Variants in EIF2B4 observed in about 807,000 individuals in gnomAD.
EIF2B4 encodes the protein translation initiation factor eIF2B subunit delta.
In EIF2B4, 34 loss-of-function variants were observed where a neutral mutation model predicts 66.7. The ratio of observed to expected loss-of-function variants is 0.51; its 90% CI spans 0.39 to 0.68. The LOEUF is 0.68. Among genes scored for constraint, EIF2B4 ranks in the 30% least tolerant of loss-of-function variants. The pLI is 0.00. For synonymous variants in EIF2B4, 278 were observed against 253.6 expected (o/e 1.10, Z -0.92); for missense variants, 618 against 657.9 (o/e 0.94, Z 0.66).
intron 11 of EIF2B4, chr2:27,366,499 C>T (rs1438273767): frequency 5.9e-6 from 3 of 505,960 alleles, no homozygotes; most frequent in Non-Finnish European, 1.1e-5. Flanking sequence ...GGCAATGTAG[C>T]GATATCCCAT....
Position 27,369,888 on chromosome 2 carries a change from G to A in EIF2B4, c.63C>T (p.Pro21=), listed in dbSNP as rs751668695. 4.0e-5 allele frequency: 63 copies of A among 1,584,446 alleles called. No homozygotes were observed. Among genetic ancestry groups the A allele is most frequent in the Non-Finnish European group, 5.1e-5 (59 of 1,165,840 alleles). ...DSGSGMKAEL[P]PGPGAVGREM... is the part of the protein sequence containing the mutation. Reference sequence around the variant, plus strand: ...AAGCCTCACTTACCCCAGGCCCAGGGGGAAGCTCCGCCTTCATCCCGGATC... The same window carrying A: ...AAGCCTCACTTACCCCAGGCCCAGGAGGAAGCTCCGCCTTCATCCCGGATC... The change falls in exon 2 of 13, where the codon CCC becomes CCT. Residue 21 remains proline (P), a synonymous_variant. Transcript: ENST00000347454.
chr2:27,370,054 C>G, intron 1 of EIF2B4, 135 bp from the exon 2 acceptor site: 1 of 1,507,494 alleles, frequency 6.6e-7, no homozygotes, highest in Non-Finnish European at 8.9e-7. Context: ...AGCCAGGGAT[C>G]CGCGTGGGGA....
chr2:27,364,550 A>G lies in EIF2B4; in HGVS notation c.1422T>C (p.Ala474=). Residue 474 remains alanine, a synonymous_variant, in exon 13 of 13, where the codon GCT becomes GCC. Transcript: ENST00000347454. ...GTAGGGATGCGTGGTTCTGCCAGTTAGCCAGCGCAACATGTTCTCCCCGCT... is the reference window on the plus strand; with the variant it reads ...GTAGGGATGCGTGGTTCTGCCAGTTGGCCAGCGCAACATGTTCTCCCCGCT... ...QCKRGEHVAL[A]NWQNHASLRL... 1 of 1,614,220 alleles carries G rather than the reference A, an allele frequency of 6.2e-7. No individual in the cohort carries two copies. Among genetic ancestry groups the G allele is most frequent in the Admixed American group, 1.7e-5 (1 of 60,030 alleles).
Position 27,369,056 on chromosome 2 carries a change from C to T in EIF2B4, c.368G>A (p.Gly123Glu). The change falls in exon 4 of 13, where the codon GGA becomes GAA. Residue 123 changes from glycine (G) to glutamate (E), a missense_variant. By Grantham distance (98) the Gly-to-Glu change is moderately conservative. Coordinates refer to ENST00000347454, the MANE Select transcript of EIF2B4 (RefSeq NM_001034116.2). The part of the protein sequence containing the change: ...ALKQARKGEQ[G>E]GPPPKASPST... ...GGGGCTGGCCTTAGGAGGTGGTCCT[C>T]CTTGTTCCCCTTTTCTTGCCTGTTT... is the stretch of plus-strand genomic sequence containing the variant. 6.2e-7 allele frequency: 1 copy of T among 1,614,122 alleles called. No individual in the cohort carries two copies. The highest frequency in any genetic ancestry group is 1.1e-5 in the South Asian group (1 of 91,082).
chr2:27,367,652 G>C, intron 8 of EIF2B4, 93 bp from the exon 9 acceptor site: 1 of 1,589,598 alleles, frequency 6.3e-7, no homozygotes, highest in Non-Finnish European at 8.6e-7. Context: ...AAAGAAAATA[G>C]AACACAAAAT....
rs766717475 is a variant in EIF2B4, at chr2:27,368,136, G to C, written c.594C>G (p.Ile198Met). ...RQNSLTQFMSIPSSVIHPAMV... is the reference protein window; with the variant it reads ...RQNSLTQFMSMPSSVIHPAMV... ...TGGCTGGGTGGATCACAGAGGATGG[G>C]ATGCTGATGGGATGGCGGTGTCACA... Residue 198 changes from isoleucine to methionine, a missense_variant, in exon 7 of 13, where the codon ATC becomes ATG. By Grantham distance (10) the Ile-to-Met change is conservative (BLOSUM62 1). Coordinates refer to ENST00000347454, the MANE Select transcript of EIF2B4 (RefSeq NM_001034116.2). 6.3e-7 allele frequency: 1 copy of C among 1,587,274 alleles called. No homozygotes were observed. The highest frequency in any genetic ancestry group is 8.6e-7 in the Non-Finnish European group (1 of 1,166,002).
intron 4 of EIF2B4, 74 bp from the exon 5 acceptor site, chr2:27,368,807 G>C: frequency 6.5e-7 from 1 of 1,535,212 alleles, no homozygotes; most frequent in East Asian, 2.2e-5. Context: ...GGTATAAGGG[G>C]CATCAAGAAA....
Position 27,369,456 on chromosome 2 carries a change from C to T in EIF2B4, c.169G>A (p.Glu57Lys). 6.2e-7 allele frequency: 1 copy of T among 1,614,150 alleles called. No individual in the cohort carries two copies. The highest frequency in any genetic ancestry group is 8.5e-7 in the Non-Finnish European group (1 of 1,180,036). ...KKKRKEEKGA[E>K]PETGSAVSAA... ...GATACAGCAGAGCCAGTCTCTGGTT[C>T]TGCCCCCTTTTCTTCCTTCCGTTTC... is the stretch of plus-strand genomic sequence containing the variant. The change falls in exon 3 of 13, where the codon GAA becomes AAA. Residue 57 changes from glutamate (E) to lysine (K), a missense_variant. This residue lies in a region of EIF2B4 where 506 missense variants were observed against 511.9 expected (regional missense o/e 0.99). Coordinates refer to ENST00000347454, the MANE Select transcript of EIF2B4 (RefSeq NM_001034116.2).
In EIF2B4 at chr2:27,369,938, C is replaced by T. The variant is rs1465930747; in HGVS notation, c.32-19G>A. On this transcript the variant is annotated intron_variant, in intron 1 of 12. Transcript: ENST00000347454. ...CCCGAGTCTGCATCAGAAAACAGGGCACAAAGTGAGCCAGAGAGACTCCGG... is the reference window on the plus strand; with the variant it reads ...CCCGAGTCTGCATCAGAAAACAGGGTACAAAGTGAGCCAGAGAGACTCCGG... 1.1e-5 allele frequency: 18 copies of T among 1,576,148 alleles called. No homozygotes were observed. Among genetic ancestry groups the T allele is most frequent in the Admixed American group, 3.7e-5 (2 of 54,146 alleles).
Position 27,369,516 on chromosome 2 carries a change from G to C in EIF2B4, c.109C>G (p.Leu37Val), listed in dbSNP as rs759503915. Residue 37 changes from leucine to valine, a missense_variant, in exon 3 of 13, where the codon CTG (leucine) becomes GTG (valine). Transcript: ENST00000347454. ...VGREMTKEEKLQLRKEKKQQK... is the reference protein window; with the variant it reads ...VGREMTKEEKVQLRKEKKQQK... Reference sequence around the variant, plus strand: ...TGTTTCTTTTCCTTCCGAAGCTGCAGCTTTTCTTCTTTGGTCATTTCCCTC... The same window carrying C: ...TGTTTCTTTTCCTTCCGAAGCTGCACCTTTTCTTCTTTGGTCATTTCCCTC... 16 of 1,613,998 alleles carry C rather than the reference G, an allele frequency of 9.9e-6. No homozygotes were observed. The highest frequency in any genetic ancestry group is 8.8e-5 in the South Asian group (8 of 91,082).
In EIF2B4 at chr2:27,370,005, G is replaced by T. The variant is rs984995487; in HGVS notation, c.32-86C>A. ...GAGTACTCGGCGCAGCCGGCTGCTG[G>T]GTTGGCATGACCACGGATCCGCCGG... On this transcript the variant is annotated intron_variant, in intron 1 of 12. Coordinates refer to ENST00000347454, the MANE Select transcript of EIF2B4 (RefSeq NM_001034116.2). 5.9e-6 allele frequency: 9 copies of T among 1,533,102 alleles called. No individual in the cohort carries two copies. Among genetic ancestry groups the T allele is most frequent in the Non-Finnish European group, 7.9e-6 (9 of 1,135,984 alleles). The allele number at this position is 1,533,102 out of a possible 1,614,324, so 95.0% of individuals were successfully genotyped here. A position where few individuals can be genotyped will look rare whatever the true frequency, so the allele number is the denominator to read the frequency against.
Position 27,364,835 on chromosome 2 carries a change from C to T in EIF2B4, c.1255G>A (p.Gly419Arg). The T allele has an allele frequency of 1.2e-6, 2 of 1,614,194 alleles. No individual in the cohort carries two copies. The highest frequency in any genetic ancestry group is 1.7e-6 in the Non-Finnish European group (2 of 1,180,048). The part of the protein sequence containing the change: ...LANGSVMSRV[G>R]TAQLALVARA... ...GCCACCAGGGCTAACTGTGCTGTCCCTACCCGTGACATCACAGACCCGTTG... is the reference window on the plus strand; with the variant it reads ...GCCACCAGGGCTAACTGTGCTGTCCTTACCCGTGACATCACAGACCCGTTG... Residue 419 changes from glycine to arginine, a missense_variant, in exon 12 of 13, where the codon GGG becomes AGG. Transcript: ENST00000347454.
At chr2:27,368,787 T>G in intron 4 of EIF2B4, 54 bp from the exon 5 acceptor site, 1 of 1,593,648 alleles carries the variant, frequency 6.3e-7, no homozygotes. Context: ...AATGTGTAAT[T>G]TGCTCTTAGG....
At chr2:27,368,877 ATGGGGT>A (rs1328175845) in intron 4 of EIF2B4, 123 bp downstream of exon 4, 9 of 1,420,306 alleles carry the variant, frequency 6.3e-6, no homozygotes, top group Non-Finnish European at 8.9e-6. Flanking sequence ...GGATAGGATA[ATGGGGT>A]TGCAGGAACA....
chr2:27,367,128 G>T lies in EIF2B4; in HGVS notation c.959C>A (p.Ser320Ter). 1.2e-6 allele frequency: 2 copies of T among 1,614,222 alleles called. No individual in the cohort carries two copies. Among genetic ancestry groups the T allele is most frequent in the South Asian group, 2.2e-5 (2 of 91,078 alleles). ...EKIVLAAQAI[S>*]RFAYQKISNG... ...ACTGATCTTCTGGTAAGCAAAGCGT[G>T]AAATTGCCTGAGCTGCTAGCACAAT... The change falls in exon 10 of 13, where the codon TCA becomes TAA. Residue 320 changes from serine (S) to a stop codon, truncating the protein, a stop_gained. Transcript: ENST00000347454. LOFTEE classifies it high-confidence loss of function.
chr2:27,365,181 C>T (rs933902278), intron 11 of EIF2B4: 30 of 378,146 alleles, frequency 7.9e-5, no homozygotes, highest in African/African-American at 4.9e-4. Context: ...CTCAGCCTCC[C>T]GAGTAGCTGG....
intron 10 of EIF2B4, 24 bp from the exon 11 acceptor site, chr2:27,366,960 T>A: frequency 6.2e-7 from 1 of 1,614,156 alleles, no homozygotes; most frequent in South Asian, 1.1e-5. Context: ...AGAGGAGGAT[T>A]CAGTTATAAA....
At position 27,370,294 on chromosome 2, in the gene EIF2B4, A is replaced by G. The variant is rs1330896534; in HGVS notation, c.21T>C (p.Ala7=). MAAVAV[A]VREDSGSGMK... ...CGGCTCTTCACTCACCCTCGCGAAC[A>G]GCCACGGCCACAGCAGCCATCGCCC... The change falls in exon 1 of 13, where the codon GCT becomes GCC. Residue 7 remains alanine, a synonymous_variant. Transcript: ENST00000347454. The G allele has an allele frequency of 2.6e-6, 4 of 1,546,800 alleles. No homozygotes were observed. Among genetic ancestry groups the G allele is most frequent in the Non-Finnish European group, 3.5e-6 (4 of 1,148,614 alleles).
chr2:27,366,518 G>A (rs1179551224), intron 11 of EIF2B4: 2 of 558,398 alleles, frequency 3.6e-6, no homozygotes, highest in Admixed American at 6.0e-5. Flanking sequence ...ATCTCTACAA[G>A]AAAAATAAAA....
Sources: gnomAD v4.1 joint callset for allele counts on GRCh38, gnomAD v4.1.1 for gene constraint, gnomAD v4.1.1 regional missense constraint, MANE v1.5 for transcripts, NCBI Gene and HGNC (gene_info 2026-07-23, HGNC 2026-07-21) for gene names.